GLDN: variants seen among roughly 807,000 people sequenced by gnomAD.
The protein encoded by GLDN is gliomedin.
A neutral mutation model predicts 56.5 loss-of-function variants in GLDN; 47 were observed. That is an observed-to-expected ratio of 0.83 (90% CI 0.66 to 1.06). GLDN has a LOEUF of 1.06. Ranked by LOEUF, GLDN falls within the 50% of genes least tolerant of loss-of-function variation. The pLI is 0.00. For synonymous variants in GLDN, 332 were observed against 278.8 expected (o/e 1.19, Z -1.90); for missense variants, 782 against 714.3 (o/e 1.09, Z -1.08).
intron 1 of GLDN, among the ~76,000 whole-genome samples, chr15:51,365,580 G>A (rs1056488443): frequency 2.0e-5 from 3 of 152,176 alleles, no homozygotes; most frequent in African/African-American, 7.2e-5. Context: ...GAGGTTTGGA[G>A]AGGTTGAACA....
intron 2 of GLDN, among the ~76,000 whole-genome samples, chr15:51,383,217 C>T (rs977204350): frequency 6.6e-6 from 1 of 152,184 alleles, no homozygotes; most frequent in Non-Finnish European, 1.5e-5. Context: ...AGAAATTAAT[C>T]TTGGTTCATT....
At position 51,401,610 on chromosome 15, in the gene GLDN, T is replaced by A. The variant is rs775839953; in HGVS notation, c.1045T>A (p.Phe349Ile). 1 of 1,613,896 alleles carries A rather than the reference T, an allele frequency of 6.2e-7. No homozygotes were observed. The highest frequency in any genetic ancestry group is 8.5e-7 in the Non-Finnish European group (1 of 1,179,834). The change falls in exon 9 of 10, where the codon TTC (phenylalanine) becomes ATC (isoleucine). Residue 349 changes from phenylalanine (F) to isoleucine (I), a missense_variant. Physicochemically the swap from Phe to Ile is conservative, Grantham distance 21. Transcript: ENST00000335449. ...TCCTACAGGCATCATGGTTAAGGAA[T>A]TCAAGGATCAGCCCTCACTTCTGAA... ...EHFSGIMVKE[F>I]KDQPSLLNGS...
the GLDN span, among the ~76,000 whole-genome samples, chr15:51,413,251 G>T: frequency 6.6e-6 from 1 of 152,020 alleles, no homozygotes; most frequent in Non-Finnish European, 1.5e-5. Flanking sequence ...CTAATTTTTT[G>T]GAAGGAGGTG....
In GLDN at chr15:51,347,325, A is replaced by G. The variant is rs115240922; in HGVS notation, c.363+5278A>G. Among the ~76,000 whole-genome samples, 1,363 of 152,304 alleles carry G rather than the reference A, an allele frequency of 8.9e-3. 21 individuals are homozygous for G. The highest frequency in any genetic ancestry group is 0.032 in the African/African-American group (1,311 of 41,566). On this transcript the variant is annotated intron_variant, in intron 1 of 9. Transcript: ENST00000335449. ...CCAAAATATAATTTTCACCTAACAC[A>G]AGCTTGTGCAATCTGTGGCCCAGGA...
rs1248384283 is a variant in GLDN at position 51,405,386 on chromosome 15, T to G, written c.*632T>G. The G allele has an allele frequency of 6.6e-6, 1 of 151,698 alleles. No individual in the cohort carries two copies. The highest frequency in any genetic ancestry group is 1.5e-5 in the Non-Finnish European group (1 of 67,940). The allele number at this position is 151,698 out of a possible 1,614,324, so 9.4% of individuals were successfully genotyped here. On this transcript the variant is annotated 3_prime_UTR_variant, in exon 10 of 10. Transcript: ENST00000335449. Reference sequence around the variant, plus strand: ...ACAGCTACATGTTCAGGTTTTTTTTTTTTTTTTTTTTTCAATAAGCTATTT... The same window carrying G: ...ACAGCTACATGTTCAGGTTTTTTTTGTTTTTTTTTTTTCAATAAGCTATTT...
intron 1 of GLDN, among the ~76,000 whole-genome samples, chr15:51,366,801 C>G (rs1217388475): frequency 6.6e-6 from 1 of 151,898 alleles, no homozygotes; most frequent in Non-Finnish European, 1.5e-5. Flanking sequence ...GTCCCAGCCA[C>G]TCAGGAGAAT....
At chr15:51,403,578 T>C (rs2038303194) in intron 9 of GLDN, among the ~76,000 whole-genome samples, 1 of 152,186 alleles carries the variant, frequency 6.6e-6, no homozygotes, top group African/African-American at 2.4e-5. Flanking sequence ...TGTCAAATCA[T>C]ACAGCCTCCA....
chr15:51,358,185 C>A (rs2037223502), intron 1 of GLDN, among the ~76,000 whole-genome samples: 1 of 152,190 alleles, frequency 6.6e-6, no homozygotes, highest in Non-Finnish European at 1.5e-5. Flanking sequence ...TAGGTCCCCC[C>A]AATTCAAGTC....
At chr15:51,399,969 C>G (rs2141130682) in intron 6 of GLDN, among the ~76,000 whole-genome samples, 1 of 152,294 alleles carries the variant, frequency 6.6e-6, no homozygotes, top group Non-Finnish European at 1.5e-5. Flanking sequence ...CAACTGTACT[C>G]CTGAAAAGCT....
chr15:51,409,257 T>G (rs946519096), downstream of GLDN, among the ~76,000 whole-genome samples: 10 of 151,880 alleles, frequency 6.6e-5, no homozygotes, highest in Non-Finnish European at 1.3e-4. Context: ...AAAAAATGGT[T>G]CAAGTACCTG....
chr15:51,386,152 A>T (rs968428882), intron 4 of GLDN, among the ~76,000 whole-genome samples: 3 of 152,150 alleles, frequency 2.0e-5, no homozygotes, highest in Non-Finnish European at 2.9e-5. Context: ...TCTCTACAGC[A>T]ATCTCCCAGA....
At chr15:51,409,588 G>T (rs1266184194), downstream of GLDN, among the ~76,000 whole-genome samples, 1 of 152,140 alleles carries the variant, frequency 6.6e-6, no homozygotes, top group African/African-American at 2.4e-5. Context: ...TCAGATTCTT[G>T]TGTCTAGCAA....
chr15:51,367,143 C>G (rs1396880598), intron 1 of GLDN, among the ~76,000 whole-genome samples: 1 of 152,224 alleles, frequency 6.6e-6, no homozygotes, highest in African/African-American at 2.4e-5. Context: ...CATCTGCGGC[C>G]TCTGCTGGCT....
intron 1 of GLDN, among the ~76,000 whole-genome samples, chr15:51,344,959 G>A (rs1006767516): frequency 3.3e-5 from 5 of 152,190 alleles, no homozygotes; most frequent in African/African-American, 1.2e-4. Flanking sequence ...TTAAAACCAT[G>A]TGCATACTTT....
chr15:51,368,065 A>C (rs1055980906), intron 1 of GLDN, among the ~76,000 whole-genome samples: 1 of 152,166 alleles, frequency 6.6e-6, no homozygotes, highest in African/African-American at 2.4e-5. Flanking sequence ...CCCATGAGAG[A>C]TTTTCAGTTT....
At chr15:51,393,403 C>A (rs756872464) in intron 4 of GLDN, among the ~76,000 whole-genome samples, 3 of 151,446 alleles carry the variant, frequency 2.0e-5, no homozygotes, top group African/African-American at 7.3e-5. Context: ...AGGACTCTAC[C>A]CAGTATTCAG....
intron 6 of GLDN, 45 bp from the exon 7 acceptor site, chr15:51,400,147 C>G: frequency 6.4e-7 from 1 of 1,559,778 alleles, no homozygotes; most frequent in Admixed American, 1.7e-5. Flanking sequence ...ACAAATCTCA[C>G]TGTGCCAACC....
chr15:51,366,585 G>A (rs2037406356), intron 1 of GLDN, among the ~76,000 whole-genome samples: 1 of 152,240 alleles, frequency 6.6e-6, no homozygotes, highest in African/African-American at 2.4e-5. Flanking sequence ...AAACTGAGCT[G>A]GTGATTAGAC....
At position 51,404,472 on chromosome 15, in the gene GLDN, A is replaced by G; in HGVS notation, c.1374A>G (p.Ser458=). The G allele has an allele frequency of 1.2e-6, 2 of 1,614,182 alleles. No homozygotes were observed. Among genetic ancestry groups the G allele is most frequent in the South Asian group, 2.2e-5 (2 of 91,080 alleles). Residue 458 remains serine (S), a synonymous_variant, in exon 10 of 10, where the codon TCA becomes TCG. Transcript: ENST00000335449. ...CACAACTGGATGAGAGGACATTCTCAGTGGTGCAACACGTCAATACCACGT... is the reference window on the plus strand; with the variant it reads ...CACAACTGGATGAGAGGACATTCTCGGTGGTGCAACACGTCAATACCACGT... ...LVAQLDERTF[S]VVQHVNTTYP... is the part of the protein sequence containing the mutation.
Sources: allele counts gnomAD v4.1 joint callset (sites outside exome capture counted in the v4.1 genomes callset), GRCh38; gene constraint gnomAD v4.1.1; transcripts MANE v1.5; gene names NCBI Gene and HGNC (gene_info 2026-07-23, HGNC 2026-07-21).